Variants in PTPRD observed in about 807,000 individuals in gnomAD.
PTPRD encodes the protein protein tyrosine phosphatase receptor type D.
A neutral mutation model predicts 214.5 loss-of-function variants in PTPRD; 34 were observed. The ratio of observed to expected loss-of-function variants is 0.16; its 90% CI spans 0.12 to 0.21. PTPRD has a LOEUF of 0.21. PTPRD is among the 10% of genes least tolerant of loss of function. The pLI, the probability that PTPRD is intolerant of heterozygous loss-of-function variation, is 1.00. For synonymous variants in PTPRD, 1,128 were observed against 845.7 expected (o/e 1.33, Z -5.79); for missense variants, 2,545 against 2,398.7 (o/e 1.06, Z -1.27).
intron 9 of PTPRD, among the ~76,000 whole-genome samples, chr9:9,348,347 C>G (rs1184988219): frequency 6.6e-6 from 1 of 152,086 alleles, no homozygotes; most frequent in Non-Finnish European, 1.5e-5. Context: ...AATGTCTTGG[C>G]TTTCCTCCAA....
At position 8,329,945 on chromosome 9, in the gene PTPRD, TG is replaced by T. The variant is rs1563973563; in HGVS notation, c.5534+1636del. 3.1e-4 allele frequency among the ~76,000 whole-genome samples: 17 copies of T among 55,242 alleles called. No individual in the cohort carries two copies. The African/African-American group carries it at 9.0e-3, about 29-fold the overall frequency. 36.2% of individuals were successfully genotyped at this position (55,242 alleles called of 152,430 possible). A position where few individuals can be genotyped will look rare whatever the true frequency, so the allele number is the denominator to read the frequency against. ...TTCAAGCCAGTGGATCGTATCTTGC[TG>T]GGCTCTGTGGGAGTGGATCGTATCT... On this transcript the variant is annotated intron_variant, in intron 44 of 45. Coordinates refer to ENST00000381196, the MANE Select transcript of PTPRD (RefSeq NM_002839.4).
chr9:8,327,613 T>A (rs1453003888), intron 44 of PTPRD, among the ~76,000 whole-genome samples: 1 of 151,858 alleles, frequency 6.6e-6, no homozygotes, highest in Non-Finnish European at 1.5e-5. Flanking sequence ...ATCTCATTGA[T>A]CTGTCTAATA....
intron 7 of PTPRD, among the ~76,000 whole-genome samples, chr9:9,654,532 T>A (rs1415742983): frequency 6.6e-6 from 1 of 152,164 alleles, no homozygotes; most frequent in African/African-American, 2.4e-5. Flanking sequence ...TAAAGACTAC[T>A]GAGAATGTGG....
chr9:10,156,452 T>C (rs965308540), intron 3 of PTPRD, among the ~76,000 whole-genome samples: 1 of 152,154 alleles, frequency 6.6e-6, no homozygotes, highest in African/African-American at 2.4e-5. Flanking sequence ...TTTTCAGTGA[T>C]TTCTTTAGTC....
rs1030873214 is a variant in PTPRD, at chr9:9,232,396, G to C, written c.-202-49033C>G. Among the ~76,000 whole-genome samples, 4 of 152,050 alleles carry C rather than the reference G, an allele frequency of 2.6e-5. No individual in the cohort carries two copies. The South Asian group carries it at 8.3e-4, about 32-fold the overall frequency. On this transcript the variant is annotated intron_variant, in intron 9 of 45. Transcript: ENST00000381196. ...ATCATTATAAAACATTTCCATTTCA[G>C]CTAGTCATATTCAATTAGCTAATAT...
At chr9:10,233,117 A>G (rs77173379) in intron 3 of PTPRD, among the ~76,000 whole-genome samples, 1,666 of 152,138 alleles carry the variant, frequency 0.011, 36 homozygotes, top group African/African-American at 0.038. Context: ...AACCTTTCAG[A>G]ATTCTGGCTT....
chr9:10,367,327 G>A (rs140598850), intron 2 of PTPRD, among the ~76,000 whole-genome samples: 1 of 152,092 alleles, frequency 6.6e-6, no homozygotes, highest in Non-Finnish European at 1.5e-5. Flanking sequence ...ACCCTCTTAA[G>A]AGCTCAAGTC....
intron 10 of PTPRD, among the ~76,000 whole-genome samples, chr9:9,028,761 A>G (rs578224064): frequency 6.6e-6 from 1 of 152,086 alleles, no homozygotes; most frequent in South Asian, 2.1e-4. Context: ...ATGCCAGCTG[A>G]GTGGTACAGC....
intron 12 of PTPRD, among the ~76,000 whole-genome samples, chr9:8,675,227 G>C (rs1469648073): frequency 6.6e-6 from 1 of 151,978 alleles, no homozygotes; most frequent in African/African-American, 2.4e-5. Flanking sequence ...GTGTCTTTGA[G>C]GATGTTGCCC....
intron 11 of PTPRD, among the ~76,000 whole-genome samples, chr9:8,986,374 C>T (rs769032003): frequency 3.8e-4 from 57 of 151,776 alleles, no homozygotes; most frequent in African/African-American, 1.3e-3. Context: ...AAAACAGAAC[C>T]ACTAAAATAC....
chr9:9,527,371 G>A lies in PTPRD; in HGVS notation c.-237+47361C>T, dbSNP rs2074364980. On this transcript the variant is annotated intron_variant, in intron 8 of 45. Coordinates refer to ENST00000381196, the MANE Select transcript of PTPRD (RefSeq NM_002839.4). Reference sequence around the variant, plus strand: ...AGTTTAAAATGCTCCCTCCTGCCTAGACACCATGTGAAGCGTGGGCACTTG... The same window carrying A: ...AGTTTAAAATGCTCCCTCCTGCCTAAACACCATGTGAAGCGTGGGCACTTG... Among the ~76,000 whole-genome samples the A allele has an allele frequency of 2.0e-5, 3 of 152,162 alleles. No individual in the cohort carries two copies. In the East Asian group the frequency reaches 5.8e-4, roughly 29 times the overall value.
chr9:9,936,788 C>A (rs200409974), intron 5 of PTPRD, among the ~76,000 whole-genome samples: 1 of 131,954 alleles, frequency 7.6e-6, no homozygotes, highest in Non-Finnish European at 1.6e-5. Flanking sequence ...ATGTTTATTG[C>A]GGCATTATTC....
At chr9:10,337,917 T>C (rs1040676165) in intron 3 of PTPRD, among the ~76,000 whole-genome samples, 1 of 151,768 alleles carries the variant, frequency 6.6e-6, no homozygotes, top group African/African-American at 2.4e-5. Flanking sequence ...ATCTTTTATG[T>C]TAAAATACGT....
At chr9:10,566,309 G>A (rs955424289) in intron 2 of PTPRD, among the ~76,000 whole-genome samples, 2 of 151,982 alleles carry the variant, frequency 1.3e-5, no homozygotes, top group Non-Finnish European at 2.9e-5. Flanking sequence ...ATTGTAGGGT[G>A]TGTATATTGT....
intron 39 of PTPRD, among the ~76,000 whole-genome samples, chr9:8,369,664 T>C (rs1395890616): frequency 6.6e-6 from 1 of 151,970 alleles, no homozygotes; most frequent in African/African-American, 2.4e-5. Flanking sequence ...TTGTGATCTA[T>C]CCCCTTTTCA....
At chr9:9,196,951 G>C (rs1173394200) in intron 9 of PTPRD, among the ~76,000 whole-genome samples, 1 of 152,034 alleles carries the variant, frequency 6.6e-6, no homozygotes, top group Non-Finnish European at 1.5e-5. Flanking sequence ...GTCAATCTTT[G>C]ACCATGATAG....
intron 3 of PTPRD, among the ~76,000 whole-genome samples, chr9:10,304,724 G>C (rs2095998186): frequency 1.3e-5 from 2 of 152,034 alleles, no homozygotes; most frequent in Admixed American, 6.6e-5. Flanking sequence ...CCTCTTCAAG[G>C]AGACCTATAA....
intron 3 of PTPRD, among the ~76,000 whole-genome samples, chr9:10,320,021 T>C (rs189824442): frequency 7.9e-5 from 12 of 152,190 alleles, no homozygotes; most frequent in Non-Finnish European, 1.2e-4. Flanking sequence ...AAATGCATTA[T>C]CTGACATTTT....
intron 10 of PTPRD, among the ~76,000 whole-genome samples, chr9:9,128,415 A>G (rs1286956298): frequency 6.6e-6 from 1 of 152,214 alleles, no homozygotes; most frequent in East Asian, 1.9e-4. Context: ...TCAGGAGTAT[A>G]TGTCAAAACC....
Sources: gnomAD v4.1 joint callset for allele counts (sites outside exome capture counted in the v4.1 genomes callset) on GRCh38, gnomAD v4.1.1 for gene constraint, MANE v1.5 for transcripts, NCBI Gene and HGNC (gene_info 2026-07-23, HGNC 2026-07-21) for gene names.